MACROD1: variants seen among roughly 807,000 people sequenced by gnomAD.
MACROD1 encodes the protein ADP-ribose glycohydrolase MACROD1.
A neutral mutation model predicts 41.4 loss-of-function variants in MACROD1; 31 were observed. That is an observed-to-expected ratio of 0.75 (90% CI 0.56 to 1.01). The LOEUF (loss-of-function observed/expected upper bound fraction) is 1.01. Among genes scored for constraint, MACROD1 ranks in the 50% least tolerant of loss-of-function variants. The probability of loss-of-function intolerance (pLI) is 0.00; values close to 1 mark genes in which losing one functional copy is unlikely to be tolerated. For synonymous variants in MACROD1, 252 were observed against 203.4 expected, an observed-to-expected ratio of 1.24 and a Z score of -2.03; for missense variants, 473 against 460.0, an observed-to-expected ratio of 1.03 and a Z score of -0.26.
chr11:64,021,767 A>G (rs1943155208), intron 3 of MACROD1, among the ~76,000 whole-genome samples: 1 of 151,936 alleles, frequency 6.6e-6, no homozygotes, highest in African/African-American at 2.4e-5. Context: ...GTGTGCAGCC[A>G]GCCCCACCGT....
chr11:64,159,738 G>A (rs946477450), intron 1 of MACROD1, among the ~76,000 whole-genome samples: 8 of 152,120 alleles, frequency 5.3e-5, no homozygotes, highest in Middle Eastern at 3.2e-3. Context: ...AGGTTGTGGT[G>A]AGCCGAGATT....
chr11:64,135,319 C>A (rs1945317640), intron 3 of MACROD1, among the ~76,000 whole-genome samples: 1 of 152,228 alleles, frequency 6.6e-6, no homozygotes, highest in Non-Finnish European at 1.5e-5. Flanking sequence ...CCGGTCCTGG[C>A]ACACACCTTC....
Position 63,998,616 on chromosome 11 carries a change from G to T in MACROD1, c.*102C>A. 7.8e-7 allele frequency: 1 copy of T among 1,284,620 alleles called. No individual in the cohort carries two copies. Among genetic ancestry groups the T allele is most frequent in the Non-Finnish European group, 9.8e-7 (1 of 1,018,172 alleles). The allele number at this position is 1,284,620 out of a possible 1,614,324, so 79.6% of individuals were successfully genotyped here. On this transcript the variant is annotated 3_prime_UTR_variant, in exon 11 of 11. Transcript: ENST00000255681. Reference sequence around the variant, plus strand: ...GGCGGGGCGCGGAGGGAAAGAAGGGGTGGCCAGGCCCAGGCCAGGCTGCAG... The same window carrying T: ...GGCGGGGCGCGGAGGGAAAGAAGGGTTGGCCAGGCCCAGGCCAGGCTGCAG...
rs1433903653 is a variant in MACROD1, at chr11:64,143,670, C to A, written c.517+7569G>T. 2.0e-5 allele frequency among the ~76,000 whole-genome samples: 3 copies of A among 151,718 alleles called. No homozygotes were observed. The East Asian group carries it at 5.8e-4, about 29-fold the overall frequency. ...TGGCCGTGAGGACAGACAGGACACACCCACTCTCAGAACTCAAATTCATCA... is the reference window on the plus strand; with the variant it reads ...TGGCCGTGAGGACAGACAGGACACAACCACTCTCAGAACTCAAATTCATCA... On this transcript the variant is annotated intron_variant, in intron 3 of 10. Transcript: ENST00000255681.
intron 3 of MACROD1, among the ~76,000 whole-genome samples, chr11:64,107,054 T>G (rs1028225275): frequency 6.6e-6 from 1 of 152,166 alleles, no homozygotes; most frequent in Non-Finnish European, 1.5e-5. Context: ...CAGCTAATTT[T>G]TGTATTTTTA....
chr11:64,041,233 T>C (rs1299554037), intron 3 of MACROD1, among the ~76,000 whole-genome samples: 96 of 89,104 alleles, frequency 1.1e-3, no homozygotes, highest in Admixed American at 1.5e-3. Flanking sequence ...AAAAAAAGCA[T>C]GAGCGAGAGA....
At chr11:64,077,550 AG>A (rs942526505) in intron 3 of MACROD1, among the ~76,000 whole-genome samples, 10 of 149,006 alleles carry the variant, frequency 6.7e-5, no homozygotes, top group Non-Finnish European at 1.0e-4. Flanking sequence ...GGGGCGGGGC[AG>A]GGGGGGTCCC....
intron 3 of MACROD1, among the ~76,000 whole-genome samples, chr11:64,031,141 C>T (rs1047358489): frequency 3.3e-5 from 5 of 152,138 alleles, no homozygotes; most frequent in Admixed American, 1.3e-4. Context: ...GCAGCCTCCC[C>T]GGTGCCAGTG....
intron 3 of MACROD1, among the ~76,000 whole-genome samples, chr11:64,056,640 A>T (rs986399844): frequency 6.6e-6 from 1 of 152,140 alleles, no homozygotes; most frequent in African/African-American, 2.4e-5. Context: ...TGATGGAGAA[A>T]CATGGCCGAC....
intron 1 of MACROD1, among the ~76,000 whole-genome samples, chr11:64,164,597 C>T (rs564075871): frequency 1.3e-5 from 2 of 152,252 alleles, no homozygotes; most frequent in Non-Finnish European, 2.9e-5. Flanking sequence ...TGCTTTCTGC[C>T]GTCACTTTTA....
At chr11:64,015,554 G>A (rs568054800) in intron 3 of MACROD1, among the ~76,000 whole-genome samples, 6 of 152,104 alleles carry the variant, frequency 3.9e-5, no homozygotes, top group South Asian at 2.1e-4. Context: ...CGCATGGGGG[G>A]GTCCAGAGAG....
chr11:64,117,928 C>A, intron 3 of MACROD1: 1 of 1,613,890 alleles, frequency 6.2e-7, no homozygotes, highest in African/African-American at 1.3e-5. Context: ...CTGCCCCTGG[C>A]GGGCATCATC....
chr11:64,055,480 C>T (rs1052696997), intron 3 of MACROD1, among the ~76,000 whole-genome samples: 1 of 152,112 alleles, frequency 6.6e-6, no homozygotes, highest in African/African-American at 2.4e-5. Flanking sequence ...CTGCTTGTCC[C>T]CATCCTAAGT....
At chr11:64,131,062 G>A (rs970674025) in intron 3 of MACROD1, among the ~76,000 whole-genome samples, 4 of 152,226 alleles carry the variant, frequency 2.6e-5, no homozygotes, top group Non-Finnish European at 5.9e-5. Flanking sequence ...CCAGAATTCA[G>A]TGGCAGGTTT....
intron 3 of MACROD1, among the ~76,000 whole-genome samples, chr11:64,045,874 G>A (rs1265126881): frequency 1.3e-5 from 2 of 152,112 alleles, no homozygotes; most frequent in African/African-American, 4.8e-5. Context: ...ATGGCTTGAG[G>A]CCAGGAGTTT....
chr11:64,131,155 A>G (rs1049548885), intron 3 of MACROD1, among the ~76,000 whole-genome samples: 1 of 151,596 alleles, frequency 6.6e-6, no homozygotes, highest in East Asian at 1.9e-4. Flanking sequence ...GCTCCCTGTC[A>G]CCCCCGCCCC....
chr11:64,031,021 T>C (rs1330548199), intron 3 of MACROD1, among the ~76,000 whole-genome samples: 1 of 151,896 alleles, frequency 6.6e-6, no homozygotes, highest in Non-Finnish European at 1.5e-5. Flanking sequence ...TGCAGAGAAG[T>C]AAGACCCTTG....
chr11:64,013,081 C>T (rs908362658), intron 4 of MACROD1, among the ~76,000 whole-genome samples: 5 of 151,340 alleles, frequency 3.3e-5, no homozygotes, highest in Non-Finnish European at 4.4e-5. Context: ...CCTCCTGCCT[C>T]GGCCTCCCAA....
At chr11:64,074,511 GTTTC>G (rs1944166799) in intron 3 of MACROD1, among the ~76,000 whole-genome samples, 2 of 152,340 alleles carry the variant, frequency 1.3e-5, no homozygotes, top group Admixed American at 6.5e-5. Context: ...GAGAGGTTCA[GTTTC>G]TGGCCTAAGG....
Sources: allele counts gnomAD v4.1 joint callset (sites outside exome capture counted in the v4.1 genomes callset), GRCh38; gene constraint gnomAD v4.1.1; transcripts MANE v1.5; gene names NCBI Gene and HGNC (gene_info 2026-07-23, HGNC 2026-07-21).